NKAIN3: variants seen among roughly 807,000 people sequenced by gnomAD.
NKAIN3 encodes sodium/potassium transporting ATPase interacting 3.
A neutral mutation model predicts 30.2 loss-of-function variants in NKAIN3; 25 were observed. The observed-to-expected ratio is 0.83, with a 90% CI of 0.60 to 1.16. The LOEUF (loss-of-function observed/expected upper bound fraction) is 1.16. NKAIN3 is among the 50% of genes most tolerant of loss of function. The probability of loss-of-function intolerance (pLI) is 0.00; values close to 1 mark genes in which losing one functional copy is unlikely to be tolerated. For missense variants in NKAIN3, 225 were observed against 254.1 expected, an observed-to-expected ratio of 0.89 and a Z score of 0.78; for synonymous variants, 91 against 89.6, an observed-to-expected ratio of 1.02 and a Z score of -0.09.
intron 3 of NKAIN3, among the ~76,000 whole-genome samples, chr8:62,729,509 G>C (rs1815400345): frequency 6.6e-6 from 1 of 152,078 alleles, no homozygotes; most frequent in South Asian, 2.1e-4. Context: ...TCTAGCAATT[G>C]TGCTCCTTGG....
chr8:62,295,572 T>C (rs1047012920), intron 1 of NKAIN3, among the ~76,000 whole-genome samples: 12 of 152,204 alleles, frequency 7.9e-5, no homozygotes, highest in East Asian at 1.9e-4. Context: ...TTGAGGCTTA[T>C]TTATATATAT....
chr8:62,814,478 G>C (rs745763875), intron 4 of NKAIN3, among the ~76,000 whole-genome samples: 29 of 151,816 alleles, frequency 1.9e-4, no homozygotes, highest in Non-Finnish European at 3.8e-4. Context: ...CACATAGTTG[G>C]AAGTAAAGCT....
intron 3 of NKAIN3, among the ~76,000 whole-genome samples, chr8:62,619,774 G>T (rs1811567657): frequency 1.3e-5 from 2 of 151,344 alleles, no homozygotes; most frequent in South Asian, 4.2e-4. Flanking sequence ...GAACGAACAT[G>T]CCTTTGGCTT....
At chr8:62,876,383 A>G (rs1222810052) in intron 4 of NKAIN3, among the ~76,000 whole-genome samples, 1 of 152,236 alleles carries the variant, frequency 6.6e-6, no homozygotes, top group African/African-American at 2.4e-5. Flanking sequence ...AATTAGTTCA[A>G]CCATTGTAGA....
chr8:62,389,715 C>T (rs560908164), intron 1 of NKAIN3, among the ~76,000 whole-genome samples: 2 of 152,172 alleles, frequency 1.3e-5, no homozygotes, highest in South Asian at 2.1e-4. Context: ...TTCTGCACTC[C>T]AAAAAATGCA....
intron 4 of NKAIN3, chr8:62,855,639 C>G: frequency 1.9e-6 from 3 of 1,604,122 alleles, no homozygotes; most frequent in Non-Finnish European, 2.6e-6. Flanking sequence ...AAGGCCAAGG[C>G]CTCCAGGTTC....
intron 1 of NKAIN3, among the ~76,000 whole-genome samples, chr8:62,380,940 T>C (rs1817257033): frequency 6.6e-6 from 1 of 152,178 alleles, no homozygotes; most frequent in Non-Finnish European, 1.5e-5. Context: ...ATGGATTTTT[T>C]TTCCCTGTGA....
At chr8:62,780,401 A>G (rs1170586373) in intron 4 of NKAIN3, among the ~76,000 whole-genome samples, 2 of 152,162 alleles carry the variant, frequency 1.3e-5, no homozygotes, top group Non-Finnish European at 2.9e-5. Flanking sequence ...TATCCTAAAA[A>G]TTAAAGAGGA....
At chr8:62,317,306 T>C (rs564110668) in intron 1 of NKAIN3, among the ~76,000 whole-genome samples, 4 of 152,358 alleles carry the variant, frequency 2.6e-5, no homozygotes, top group African/African-American at 9.6e-5. Context: ...ATTTTGACTT[T>C]TGTTGCCATT....
intron 4 of NKAIN3, among the ~76,000 whole-genome samples, chr8:62,814,149 T>C (rs1375011738): frequency 6.6e-6 from 1 of 152,064 alleles, no homozygotes; most frequent in African/African-American, 2.4e-5. Context: ...TACGTAAGAA[T>C]CTTTTAGCTT....
At chr8:62,919,226 A>AT (rs1415475110) in intron 5 of NKAIN3, among the ~76,000 whole-genome samples, 2,301 of 87,868 alleles carry the variant, frequency 0.026, 96 homozygotes, top group East Asian at 0.04. Flanking sequence ...TTACTTTCAA[A>AT]ATTTTTTTTT....
At chr8:62,580,586 T>G (rs560754216) in intron 2 of NKAIN3, among the ~76,000 whole-genome samples, 39 of 152,306 alleles carry the variant, frequency 2.6e-4, no homozygotes, top group Middle Eastern at 3.4e-3. Context: ...TGACATAATC[T>G]AATTCCACCT....
chr8:62,506,375 G>T (rs1807639343), intron 1 of NKAIN3, among the ~76,000 whole-genome samples: 1 of 151,852 alleles, frequency 6.6e-6, no homozygotes, highest in African/African-American at 2.4e-5. Flanking sequence ...CAGCAACAAA[G>T]ATTACATTTC....
rs1478953805 is a variant in NKAIN3 at position 62,971,763 on chromosome 8, T to A, written c.*6356T>A. ...CTTGGAACAGTGTTTTCATTTGTAG[T>A]ACTTTATAACACATTCTAGAAAAAA... On this transcript the variant is annotated 3_prime_UTR_variant, in exon 7 of 7. Coordinates refer to ENST00000623646, the MANE Select transcript of NKAIN3 (RefSeq NM_001304533.3). Among the ~76,000 whole-genome samples the A allele has an allele frequency of 6.6e-6, 1 of 152,220 alleles. No individual in the cohort carries two copies. The highest frequency in any genetic ancestry group is 1.5e-5 in the Non-Finnish European group (1 of 68,044).
At chr8:62,962,751 T>G (rs1823604863) in intron 6 of NKAIN3, among the ~76,000 whole-genome samples, 1 of 152,174 alleles carries the variant, frequency 6.6e-6, no homozygotes, top group South Asian at 2.1e-4. Context: ...TAGTTGAGAT[T>G]TGATTTTAAA....
chr8:62,998,424 C>T (rs1232619459), intron 5 of NKAIN3, among the ~76,000 whole-genome samples: 4 of 151,998 alleles, frequency 2.6e-5, no homozygotes, highest in African/African-American at 7.3e-5. Context: ...TACAGGCATT[C>T]ACCACCACAC....
intron 4 of NKAIN3, among the ~76,000 whole-genome samples, chr8:62,806,925 T>G (rs1163569021): frequency 1.3e-5 from 2 of 152,120 alleles, no homozygotes; most frequent in Non-Finnish European, 2.9e-5. Context: ...ATTCCTGTCC[T>G]CTGCAGGGCA....
rs1376623448 is a variant in NKAIN3, at chr8:62,462,018, A to ATGGACACATTATAATTAAAC, written c.55-117519_55-117500dup. Reference sequence around the variant, plus strand: ...TAGGATGAATTCAAAGAAAATTATAATGGACACATTATAATTAAACTATCA... The same window carrying ATGGACACATTATAATTAAAC: ...TAGGATGAATTCAAAGAAAATTATAATGGACACATTATAATTAAACTGGACACATTATAATTAAACTATCA... On this transcript the variant is annotated intron_variant, in intron 1 of 6. Coordinates refer to ENST00000623646, the MANE Select transcript of NKAIN3 (RefSeq NM_001304533.3). Among the ~76,000 whole-genome samples, 217 of 152,320 alleles carry ATGGACACATTATAATTAAAC rather than the reference A, an allele frequency of 1.4e-3. 1 individual carries two copies. The highest frequency in any genetic ancestry group is 5.0e-3 in the African/African-American group (207 of 41,572).
At chr8:62,465,154 A>C (rs1364281749) in intron 1 of NKAIN3, among the ~76,000 whole-genome samples, 1 of 152,182 alleles carries the variant, frequency 6.6e-6, no homozygotes, top group Non-Finnish European at 1.5e-5. Flanking sequence ...ACTCAATAAA[A>C]TCCAGAATTC....
Sources: gnomAD v4.1 joint callset for allele counts (sites outside exome capture counted in the v4.1 genomes callset) on GRCh38, gnomAD v4.1.1 for gene constraint, MANE v1.5 for transcripts, NCBI Gene and HGNC (gene_info 2026-07-23, HGNC 2026-07-21) for gene names.